CRY1: variants seen among roughly 807,000 people sequenced by gnomAD.
The protein encoded by CRY1 is cryptochrome circadian regulator 1.
Under a neutral mutation model 76.0 loss-of-function variants are expected in CRY1, and 45 were observed. That is an observed-to-expected ratio of 0.59 (90% CI 0.47 to 0.76). The LOEUF (loss-of-function observed/expected upper bound fraction) is 0.76. Among genes scored for constraint, CRY1 ranks in the 30% least tolerant of loss-of-function variants. The pLI, the probability that CRY1 is intolerant of heterozygous loss-of-function variation, is 0.00. For synonymous variants in CRY1, 248 were observed against 244.0 expected, an observed-to-expected ratio of 1.02 and a Z score of -0.15; for missense variants, 587 against 716.4, an observed-to-expected ratio of 0.82 and a Z score of 2.06.
intron 1 of CRY1, among the ~76,000 whole-genome samples, chr12:107,074,140 A>G (rs1461271566): frequency 6.6e-6 from 1 of 151,972 alleles, no homozygotes; most frequent in East Asian, 1.9e-4. Context: ...TTTCCTTTCT[A>G]TTCCCACATT....
At chr12:107,041,277 T>C (rs1952796332) in intron 1 of CRY1, among the ~76,000 whole-genome samples, 1 of 152,218 alleles carries the variant, frequency 6.6e-6, no homozygotes, top group South Asian at 2.1e-4. Flanking sequence ...TTTATTGTTA[T>C]ATTAATGAAT....
intron 2 of CRY1, among the ~76,000 whole-genome samples, chr12:107,010,385 AT>A (rs1439904275): frequency 6.6e-6 from 1 of 152,134 alleles, no homozygotes. Flanking sequence ...AACATGAAAA[AT>A]TTACAAGGGC....
intron 1 of CRY1, among the ~76,000 whole-genome samples, chr12:107,022,793 C>A (rs1952573034): frequency 6.7e-6 from 1 of 148,408 alleles, no homozygotes. Context: ...AAGTAGATGC[C>A]AAATTATGTG....
chr12:107,020,068 TTTC>T, intron 2 of CRY1, among the ~76,000 whole-genome samples: 1 of 152,334 alleles, frequency 6.6e-6, no homozygotes, highest in East Asian at 1.9e-4. Context: ...TCTGATATGC[TTTC>T]TTGTTAGAAC....
At chr12:107,012,580 C>T (rs368706396) in intron 2 of CRY1, among the ~76,000 whole-genome samples, 1 of 152,212 alleles carries the variant, frequency 6.6e-6, no homozygotes, top group South Asian at 2.1e-4. Flanking sequence ...AACATCAATT[C>T]TGCAGCCCAT....
At position 106,992,816 on chromosome 12, in the gene CRY1, G is replaced by C. The variant is rs1487632674; in HGVS notation, c.1732C>G (p.Pro578Ala). 3 of 1,613,766 alleles carry C rather than the reference G, an allele frequency of 1.9e-6. No individual in the cohort carries two copies. The Admixed American group carries it at 5.0e-5, about 27-fold the overall frequency. Residue 578 changes from proline (P) to alanine (A), a missense_variant, in exon 12 of 13, where the codon CCT (proline) becomes GCT (alanine). Coordinates refer to ENST00000008527, the MANE Select transcript of CRY1 (RefSeq NM_004075.5). ...TTAGTGCTCTGTCTCTGGACTTTAG[G>C]ACCAATACTCTGTGTGTCCTCTTCC... Reference protein sequence around the residue: ...SQEEDTQSIGPKVQRQSTN With the variant: ...SQEEDTQSIGAKVQRQSTN
At position 106,998,587 on chromosome 12, in the gene CRY1, T is replaced by C. The variant is rs12312629; in HGVS notation, c.1138-521A>G. ...AAAATAGAATTAAAATAAATGATTT[T>C]TATATATATTCATTAAGTATGTTAT... On this transcript the variant is annotated intron_variant, in intron 7 of 12. Coordinates refer to ENST00000008527, the MANE Select transcript of CRY1 (RefSeq NM_004075.5). Among the ~76,000 whole-genome samples the C allele has an allele frequency of 1.2e-3, 187 of 152,018 alleles. 1 individual carries two copies. The highest frequency in any genetic ancestry group is 4.3e-3 in the African/African-American group (178 of 41,450).
chr12:107,035,937 TAACA>T (rs1952727794), intron 1 of CRY1, among the ~76,000 whole-genome samples: 2 of 152,200 alleles, frequency 1.3e-5, no homozygotes, highest in Non-Finnish European at 2.9e-5. Flanking sequence ...TATGCTGCAG[TAACA>T]AACAACCTCC....
chr12:107,070,752 G>GTGTA (rs1384839537), intron 1 of CRY1, among the ~76,000 whole-genome samples: 2 of 151,196 alleles, frequency 1.3e-5, no homozygotes, highest in African/African-American at 4.9e-5. Context: ...CCAGGCTGGA[G>GTGTA]TGTAGTGGCG....
chr12:107,050,708 T>A (rs2136875120), intron 1 of CRY1, among the ~76,000 whole-genome samples: 1 of 152,112 alleles, frequency 6.6e-6, no homozygotes, highest in South Asian at 2.1e-4. Context: ...CAAACAGAAA[T>A]AACACAAAAA....
intron 1 of CRY1, among the ~76,000 whole-genome samples, chr12:107,078,250 C>A (rs1953281800): frequency 6.6e-6 from 1 of 152,096 alleles, no homozygotes; most frequent in South Asian, 2.1e-4. Flanking sequence ...ATCCCTTAAT[C>A]AGAATCATAT....
chr12:107,055,077 TA>T (rs1422498099), intron 1 of CRY1, among the ~76,000 whole-genome samples: 1 of 151,952 alleles, frequency 6.6e-6, no homozygotes, highest in East Asian at 1.9e-4. Flanking sequence ...TCCCGTCTAA[TA>T]ACAATGAAGA....
intron 1 of CRY1, among the ~76,000 whole-genome samples, chr12:107,082,428 T>C (rs917098975): frequency 4.6e-5 from 7 of 152,076 alleles, no homozygotes; most frequent in African/African-American, 1.4e-4. Context: ...TATTCTAAAA[T>C]TGACCAATAA....
chr12:106,998,693 A>ACACACACACACACAC (rs1238131760), intron 7 of CRY1, among the ~76,000 whole-genome samples: 2 of 80,554 alleles, frequency 2.5e-5, no homozygotes, highest in East Asian at 1.7e-3. Context: ...CACACACACA[A>ACACACACACACACAC]GCTCAGAAAT....
At chr12:107,076,823 C>G (rs990094031) in intron 1 of CRY1, among the ~76,000 whole-genome samples, 3 of 152,048 alleles carry the variant, frequency 2.0e-5, no homozygotes, top group Non-Finnish European at 4.4e-5. Flanking sequence ...TTTGGTACAT[C>G]TTTACAATGG....
At chr12:107,019,848 G>A (rs1422757509) in intron 2 of CRY1, among the ~76,000 whole-genome samples, 2 of 151,976 alleles carry the variant, frequency 1.3e-5, no homozygotes, top group African/African-American at 4.8e-5. Flanking sequence ...GAGCCTAGGA[G>A]TTTGAGGCTG....
rs766702421 is a variant in CRY1 at position 106,998,045 on chromosome 12, C to G, written c.1159G>C (p.Asp387His). 3 of 1,614,058 alleles carry G rather than the reference C, an allele frequency of 1.9e-6. No homozygotes were observed. The change falls in exon 8 of 13, where the codon GAT becomes CAT. Residue 387 changes from aspartate to histidine, a missense_variant. Coordinates refer to ENST00000008527, the MANE Select transcript of CRY1 (RefSeq NM_004075.5). ...GMKVFEELLL[D>H]ADWSINAGSW... ...CCAGCATTTATGCTCCAATCTGCAT[C>G]AAGCAATAATTCTTCAAATACCTTC...
chr12:107,067,469 C>T (rs968808266), intron 1 of CRY1, among the ~76,000 whole-genome samples: 4 of 151,964 alleles, frequency 2.6e-5, no homozygotes, highest in East Asian at 1.9e-4. Flanking sequence ...ATGGTGATAT[C>T]GGCATGCACA....
At chr12:107,083,349 C>G (rs1374725064) in intron 1 of CRY1, among the ~76,000 whole-genome samples, 1 of 152,136 alleles carries the variant, frequency 6.6e-6, no homozygotes. Context: ...TTATATGAGG[C>G]CAACATCATT....
Sources: allele counts gnomAD v4.1 joint callset (sites outside exome capture counted in the v4.1 genomes callset), GRCh38; gene constraint gnomAD v4.1.1; transcripts MANE v1.5; gene names NCBI Gene and HGNC (gene_info 2026-07-23, HGNC 2026-07-21).